Variants in NBAS observed in about 807,000 individuals in gnomAD.
NBAS encodes NAG/BC035112 fusion.
In NBAS, 219 loss-of-function variants were observed where a neutral mutation model predicts 302.5. That is an observed-to-expected ratio of 0.72 (90% CI 0.65 to 0.81). The LOEUF is 0.81. Among genes scored for constraint, NBAS ranks in the 30% least tolerant of loss-of-function variants. The pLI is 0.00. For synonymous variants in NBAS, 1,118 were observed against 1,021.6 expected, an observed-to-expected ratio of 1.09 and a Z score of -1.80; for missense variants, 2,932 against 2,841.6, an observed-to-expected ratio of 1.03 and a Z score of -0.72.
chr2:14,814,496 G>T, the NBAS span, among the ~76,000 whole-genome samples: 1 of 152,210 alleles, frequency 6.6e-6, no homozygotes, highest in African/African-American at 2.4e-5. Flanking sequence ...GAATGACTGA[G>T]CTGCTGAGCT....
intron 32 of NBAS, among the ~76,000 whole-genome samples, chr2:15,357,610 A>C (rs1034977209): frequency 6.6e-6 from 1 of 152,092 alleles, no homozygotes; most frequent in Non-Finnish European, 1.5e-5. Context: ...AGTGATCCCC[A>C]TGCCTCAGCC....
At chr2:14,876,369 C>T in the NBAS span, among the ~76,000 whole-genome samples, 2 of 152,168 alleles carry the variant, frequency 1.3e-5, no homozygotes, top group Non-Finnish European at 2.9e-5. Context: ...CATTTATTCC[C>T]CAGTTTCCTT....
chr2:15,502,798 C>T (rs918928729), intron 11 of NBAS, among the ~76,000 whole-genome samples: 3 of 152,180 alleles, frequency 2.0e-5, no homozygotes, highest in African/African-American at 7.2e-5. Context: ...GGCTCCACTA[C>T]ATTCATTTTT....
chr2:15,413,777 A>AT (rs1676794139), intron 25 of NBAS, among the ~76,000 whole-genome samples: 1 of 152,196 alleles, frequency 6.6e-6, no homozygotes, highest in Admixed American at 6.5e-5. Context: ...ATGATCACAT[A>AT]TATGTTGCAG....
At chr2:15,229,228 G>A (rs918077551) in intron 47 of NBAS, among the ~76,000 whole-genome samples, 4 of 151,108 alleles carry the variant, frequency 2.6e-5, no homozygotes, top group African/African-American at 9.7e-5. Context: ...TGTAATCCCG[G>A]CTACTCGGGA....
At chr2:15,393,615 G>A in intron 28 of NBAS, 2 of 465,854 alleles carry the variant, frequency 4.3e-6, no homozygotes, top group Non-Finnish European at 8.9e-6. Flanking sequence ...TGAGAGAAAT[G>A]AAAGCGTATG....
intron 49 of NBAS, among the ~76,000 whole-genome samples, chr2:15,187,815 T>C (rs535640907): frequency 6.6e-6 from 1 of 152,320 alleles, no homozygotes; most frequent in Non-Finnish European, 1.5e-5. Flanking sequence ...TTTTATTCCT[T>C]GGGCCCTGAA....
chr2:15,102,724 C>T, the NBAS span, among the ~76,000 whole-genome samples: 1 of 152,120 alleles, frequency 6.6e-6, no homozygotes, highest in African/African-American at 2.4e-5. Flanking sequence ...AATAAGTTGG[C>T]TTGCCTATGG....
At chr2:15,416,232 T>C (rs867671002) in intron 24 of NBAS, among the ~76,000 whole-genome samples, 7 of 151,988 alleles carry the variant, frequency 4.6e-5, no homozygotes, top group Middle Eastern at 3.4e-3. Context: ...CTCTAGAAAA[T>C]AGGGTTTCAT....
chr2:14,842,509 TAAG>T, the NBAS span, among the ~76,000 whole-genome samples: 1 of 151,560 alleles, frequency 6.6e-6, no homozygotes, highest in African/African-American at 2.4e-5. Context: ...ACAACAGAAA[TAAG>T]AAGAATCACC....
chr2:15,285,797 G>A (rs559366736), intron 42 of NBAS, among the ~76,000 whole-genome samples: 7 of 152,126 alleles, frequency 4.6e-5, no homozygotes, highest in South Asian at 4.1e-4. Context: ...GGATTACAGC[G>A]GTGCCTGCCA....
chr2:15,013,050 G>A, the NBAS span, among the ~76,000 whole-genome samples: 5 of 152,260 alleles, frequency 3.3e-5, no homozygotes, highest in South Asian at 2.1e-4. Flanking sequence ...GCAGAGATGG[G>A]GTTTCACCAT....
In NBAS at chr2:15,322,419, A is replaced by T. The variant is rs1464900687; in HGVS notation, c.4582+5331T>A. 3.3e-5 allele frequency among the ~76,000 whole-genome samples: 5 copies of T among 152,094 alleles called. No homozygotes were observed. The South Asian group carries it at 6.2e-4, about 19-fold the overall frequency. ...TAAATAAATAAATAAATAAAATTTT[A>T]AAAAAACAGAAATCTATGCTTAAGC... On this transcript the variant is annotated intron_variant, in intron 38 of 51. Transcript: ENST00000281513.
At chr2:14,937,567 C>T in the NBAS span, among the ~76,000 whole-genome samples, 6 of 152,128 alleles carry the variant, frequency 3.9e-5, no homozygotes, top group South Asian at 2.1e-4. Flanking sequence ...TAATGGGAAT[C>T]GCTGGGCTAA....
intron 44 of NBAS, among the ~76,000 whole-genome samples, chr2:15,244,409 T>C (rs1667997399): frequency 6.6e-6 from 1 of 151,950 alleles, no homozygotes; most frequent in African/African-American, 2.4e-5. Context: ...ATAACAAGGT[T>C]GCTCCTAGAA....
At chr2:15,454,097 G>A (rs1679142855) in intron 21 of NBAS, among the ~76,000 whole-genome samples, 1 of 152,040 alleles carries the variant, frequency 6.6e-6, no homozygotes, top group East Asian at 1.9e-4. Flanking sequence ...TTTTCTAAGA[G>A]GGCGAGAAGA....
the NBAS span, chr2:14,907,597 G>C: frequency 6.6e-6 from 1 of 152,370 alleles, no homozygotes; most frequent in African/African-American, 2.4e-5. Flanking sequence ...TCTAGGCAAG[G>C]CTTGAATGCA....
chr2:14,888,462 T>C, the NBAS span, among the ~76,000 whole-genome samples: 1 of 151,976 alleles, frequency 6.6e-6, no homozygotes, highest in Non-Finnish European at 1.5e-5. Context: ...CCCCTTTTTT[T>C]TTTATTGACC....
chr2:15,043,433 C>G, the NBAS span, among the ~76,000 whole-genome samples: 1 of 152,004 alleles, frequency 6.6e-6, no homozygotes, highest in African/African-American at 2.4e-5. Context: ...GAGCATGTCA[C>G]ATTTCTGCTA....
Sources: allele counts gnomAD v4.1 joint callset (sites outside exome capture counted in the v4.1 genomes callset), GRCh38; gene constraint gnomAD v4.1.1; transcripts MANE v1.5; gene names NCBI Gene and HGNC (gene_info 2026-07-23, HGNC 2026-07-21).